Variants in EFNA5 observed in about 807,000 individuals in gnomAD.
EFNA5 encodes the protein ephrin-A5.
A neutral mutation model predicts 22.9 loss-of-function variants in EFNA5; 5 were observed. That is an observed-to-expected ratio of 0.22 (90% confidence interval 0.11 to 0.46). The LOEUF is 0.46. EFNA5 is among the 20% of genes least tolerant of loss of function. The probability of loss-of-function intolerance (pLI) is 0.99; values close to 1 mark genes in which losing one functional copy is unlikely to be tolerated. For missense variants in EFNA5, 237 were observed against 293.3 expected (o/e 0.81, Z 1.40); for synonymous variants, 113 against 112.2 (o/e 1.01, Z -0.04).
chr5:107,577,730 T>G (rs1748953408), intron 1 of EFNA5, among the ~76,000 whole-genome samples: 1 of 152,192 alleles, frequency 6.6e-6, no homozygotes, highest in Admixed American at 6.5e-5. Context: ...TGGGGGAGCC[T>G]CACCATCGGA....
intron 1 of EFNA5, among the ~76,000 whole-genome samples, chr5:107,481,821 G>A (rs1750471356): frequency 6.8e-6 from 1 of 147,780 alleles, no homozygotes; most frequent in African/African-American, 2.6e-5. Context: ...TTGCACTGCA[G>A]CCTGGGTGGT....
chr5:107,567,480 G>A (rs908433048), intron 1 of EFNA5, among the ~76,000 whole-genome samples: 3 of 152,144 alleles, frequency 2.0e-5, no homozygotes, highest in African/African-American at 4.8e-5. Context: ...TCTGGGGCCC[G>A]AAAAAGTCAT....
At chr5:107,661,734 G>T (rs1341055685) in intron 1 of EFNA5, among the ~76,000 whole-genome samples, 1 of 152,092 alleles carries the variant, frequency 6.6e-6, no homozygotes, top group African/African-American at 2.4e-5. Context: ...GTAAGCACGT[G>T]AAGTTGTCTA....
At chr5:107,401,001 T>C (rs1039678382) in intron 2 of EFNA5, among the ~76,000 whole-genome samples, 1 of 152,228 alleles carries the variant, frequency 6.6e-6, no homozygotes, top group African/African-American at 2.4e-5. Context: ...ATTACAATTA[T>C]AACTTTAACA....
At chr5:107,412,264 G>T (rs1305550782) in intron 2 of EFNA5, among the ~76,000 whole-genome samples, 2 of 152,180 alleles carry the variant, frequency 1.3e-5, no homozygotes, top group Non-Finnish European at 2.9e-5. Flanking sequence ...ATGCTTCCCA[G>T]TGGTGCCTTG....
chr5:107,523,378 G>A (rs1747634535), intron 1 of EFNA5, among the ~76,000 whole-genome samples: 1 of 151,892 alleles, frequency 6.6e-6, no homozygotes, highest in African/African-American at 2.4e-5. Flanking sequence ...TGTGTTTAAT[G>A]TTTTTGGTGT....
intron 1 of EFNA5, among the ~76,000 whole-genome samples, chr5:107,444,630 G>A (rs1015421121): frequency 2.0e-5 from 3 of 152,136 alleles, no homozygotes; most frequent in Non-Finnish European, 4.4e-5. Context: ...CAGGCATGCC[G>A]AAATTAAAAT....
intron 1 of EFNA5, among the ~76,000 whole-genome samples, chr5:107,613,421 A>G (rs1749860098): frequency 1.3e-5 from 2 of 152,148 alleles, no homozygotes; most frequent in South Asian, 4.1e-4. Context: ...TGTTTTAAGT[A>G]TCCTAAAATG....
intron 1 of EFNA5, among the ~76,000 whole-genome samples, chr5:107,515,360 ATT>A (rs1195384899): frequency 4.8e-4 from 54 of 113,442 alleles, no homozygotes; most frequent in Middle Eastern, 4.5e-3. Flanking sequence ...TTTATTTTTT[ATT>A]TTATTATTAT....
intron 1 of EFNA5, among the ~76,000 whole-genome samples, chr5:107,641,529 C>A (rs1386839803): frequency 4.6e-5 from 7 of 152,040 alleles, no homozygotes; most frequent in Non-Finnish European, 1.5e-5. Context: ...CTGTGGACTA[C>A]CTACAGGGGA....
chr5:107,628,737 C>T (rs1750187762), intron 1 of EFNA5, among the ~76,000 whole-genome samples: 1 of 152,120 alleles, frequency 6.6e-6, no homozygotes, highest in Non-Finnish European at 1.5e-5. Context: ...ATGTGAATCC[C>T]ATGCAAGCTG....
chr5:107,482,864 CTCTCTCTATATA>C (rs1351924872), intron 1 of EFNA5, among the ~76,000 whole-genome samples: 1,056 of 48,176 alleles, frequency 0.022, 10 homozygotes, highest in African/African-American at 0.073. Context: ...CTCTCTCTCT[CTCTCTCTATATA>C]TATATATATA....
chr5:107,563,416 A>AT (rs893152529), intron 1 of EFNA5, among the ~76,000 whole-genome samples: 23 of 151,822 alleles, frequency 1.5e-4, no homozygotes, highest in Non-Finnish European at 2.8e-4. Flanking sequence ...TTTTTATTTT[A>AT]TTTTTAAAAG....
intron 1 of EFNA5, among the ~76,000 whole-genome samples, chr5:107,669,051 G>A (rs1354315659): frequency 6.6e-6 from 1 of 152,032 alleles, no homozygotes; most frequent in South Asian, 2.1e-4. Context: ...CGGGATAGGG[G>A]GAACTCCCTC....
chr5:107,595,539 T>C (rs1454725194), intron 1 of EFNA5, among the ~76,000 whole-genome samples: 7 of 152,324 alleles, frequency 4.6e-5, no homozygotes, highest in African/African-American at 1.7e-4. Flanking sequence ...CAATAACTCA[T>C]TTTTGGGAAG....
At chr5:107,398,534 T>A in intron 2 of EFNA5, among the ~76,000 whole-genome samples, 1 of 151,982 alleles carries the variant, frequency 6.6e-6, no homozygotes, top group East Asian at 1.9e-4. Context: ...ATTTGAAGAA[T>A]TATTGTAGGG....
At chr5:107,615,378 TA>T (rs1469871633) in intron 1 of EFNA5, among the ~76,000 whole-genome samples, 3 of 151,974 alleles carry the variant, frequency 2.0e-5, no homozygotes, top group African/African-American at 4.8e-5. Flanking sequence ...AATTTCTATT[TA>T]AAAAAACATT....
rs1048574733 is a variant in EFNA5, at chr5:107,411,483, C to A, written c.418+15734G>T. On this transcript the variant is annotated intron_variant, in intron 2 of 4. Coordinates refer to ENST00000333274, the MANE Select transcript of EFNA5 (RefSeq NM_001962.3). ...AACTTGCGTCCTGAGTAGGGTGACA[C>A]AAGGAATTGAAAAATGTTAGAGCTA... Among the ~76,000 whole-genome samples, 3 of 152,192 alleles carry A rather than the reference C, an allele frequency of 2.0e-5. No homozygotes were observed. In the South Asian group the frequency reaches 6.2e-4, roughly 31 times the overall value.
intron 2 of EFNA5, among the ~76,000 whole-genome samples, chr5:107,392,879 A>T (rs1008175075): frequency 7.9e-5 from 12 of 152,246 alleles, no homozygotes; most frequent in African/African-American, 2.9e-4. Flanking sequence ...AAGTCCACTT[A>T]AAATATGCCT....
Sources: gnomAD v4.1 joint callset for allele counts (sites outside exome capture counted in the v4.1 genomes callset) on GRCh38, gnomAD v4.1.1 for gene constraint, MANE v1.5 for transcripts, NCBI Gene and HGNC (gene_info 2026-07-23, HGNC 2026-07-21) for gene names.